The following ZNF596 variants were observed in gnomAD, a reference collection of about 807,000 sequenced individuals.
ZNF596 encodes zinc finger protein 596.
In ZNF596, 45 loss-of-function variants were observed where a neutral mutation model predicts 48.3. The observed-to-expected ratio is 0.93, with a 90% CI of 0.73 to 1.19. The LOEUF (loss-of-function observed/expected upper bound fraction) is 1.19, where lower values mean the gene tolerates loss of function less well. Among genes scored for constraint, ZNF596 ranks in the 50% most tolerant of loss-of-function variants. The pLI is 0.00. For missense variants in ZNF596, 848 were observed against 599.7 expected (o/e 1.41, Z -4.32); for synonymous variants, 270 against 202.0 (o/e 1.34, Z -2.85).
intron 1 of ZNF596, among the ~76,000 whole-genome samples, chr8:238,878 G>T (rs545386778): frequency 7.0e-6 from 1 of 142,882 alleles, no homozygotes; most frequent in South Asian, 2.3e-4. Flanking sequence ...CTTAAAGGAG[G>T]TCAATGAGCT....
intron 1 of ZNF596, chr8:234,867 C>T (rs1350211140): frequency 1.3e-5 from 2 of 152,042 alleles, no homozygotes; most frequent in Non-Finnish European, 2.9e-5. Flanking sequence ...AAGTATGGGT[C>T]GTTTAGGGAC....
intron 1 of ZNF596, 32 bp from the exon 2 acceptor site, chr8:240,792 G>GT: frequency 6.8e-7 from 1 of 1,466,442 alleles, no homozygotes; most frequent in African/African-American, 1.4e-5. Context: ...GAGTGTCATG[G>GT]TTTTTTTGTT....
At chr8:237,872 GCC>G (rs1278656074) in intron 1 of ZNF596, among the ~76,000 whole-genome samples, 1 of 152,170 alleles carries the variant, frequency 6.6e-6, no homozygotes, top group African/African-American at 2.4e-5. Context: ...AATCTCCATG[GCC>G]TGGCTGAGCT....
At chr8:232,777 A>G in intron 1 of ZNF596, 83 bp downstream of exon 1, 2 of 429,704 alleles carry the variant, frequency 4.7e-6, no homozygotes, top group South Asian at 3.5e-5. Context: ...GGGATTCGGC[A>G]GACGCCAGTC....
rs181496028 is a variant in ZNF596, at chr8:246,501, A to G, written c.*139A>G. On this transcript the variant is annotated 3_prime_UTR_variant, in exon 6 of 6. Coordinates refer to ENST00000398612, the MANE Select transcript of ZNF596 (RefSeq NM_001042416.3). ...ACCTAAATGAATTCAAGGTAGAGAG[A>G]ATCCAGATGTATTTAATGTTTATGG... 1.5e-5 allele frequency: 17 copies of G among 1,101,530 alleles called. No homozygotes were observed. In the African/African-American group the frequency reaches 1.7e-4, roughly 11 times the overall value. 68.2% of individuals were successfully genotyped at this position (1,101,530 alleles called of 1,614,324 possible).
Position 245,931 on chromosome 8 carries a change from C to G in ZNF596, c.1084C>G (p.Pro362Ala). The G allele has an allele frequency of 6.2e-7, 1 of 1,613,992 alleles. No individual in the cohort carries two copies. The highest frequency in any genetic ancestry group is 1.3e-5 in the African/African-American group (1 of 74,986). The change falls in exon 6 of 6, where the codon CCA becomes GCA. Residue 362 changes from proline (P) to alanine (A), a missense_variant. Coordinates refer to ENST00000398612, the MANE Select transcript of ZNF596 (RefSeq NM_001042416.3). Reference sequence around the variant, plus strand: ...TGAGCGAAGTCACAATGGAGAGAAACCACATGGATGTCATCTATGTGGGAA... The same window carrying G: ...TGAGCGAAGTCACAATGGAGAGAAAGCACATGGATGTCATCTATGTGGGAA... The part of the protein sequence containing the change: ...QHERSHNGEK[P>A]HGCHLCGKAF...
chr8:240,149 T>A (rs569845197), intron 1 of ZNF596, among the ~76,000 whole-genome samples: 1 of 152,348 alleles, frequency 6.6e-6, no homozygotes, highest in Non-Finnish European at 1.5e-5. Context: ...AGTTTTCATG[T>A]TCTTAGTGTC....
chr8:240,799 T>C (rs1198490045), intron 1 of ZNF596, 25 bp from the exon 2 acceptor site: 2 of 1,492,050 alleles, frequency 1.3e-6, no homozygotes, highest in Non-Finnish European at 1.9e-6. Context: ...ATGGTTTTTT[T>C]GTTTTTGTTT....
Position 246,144 on chromosome 8 carries a change from G to A in ZNF596, c.1297G>A (p.Val433Ile). 2.5e-6 allele frequency: 4 copies of A among 1,613,244 alleles called. No individual in the cohort carries two copies. The highest frequency in any genetic ancestry group is 2.2e-5 in the South Asian group (2 of 91,062). ...CGGAAAAGCCTTCAATCACTCTTCT[G>A]TCCTTAGACGACATGAGAGAACTCA... Reference protein sequence around the residue: ...LCGKAFNHSSVLRRHERTHTG... With the variant: ...LCGKAFNHSSILRRHERTHTG... The change falls in exon 6 of 6, where the codon GTC (valine) becomes ATC (isoleucine). Residue 433 changes from valine (V) to isoleucine (I), a missense_variant. By Grantham distance (29) the Val-to-Ile change is conservative. Transcript: ENST00000398612.
intron 1 of ZNF596, among the ~76,000 whole-genome samples, chr8:238,474 C>T (rs1796709360): frequency 6.6e-6 from 1 of 151,714 alleles, no homozygotes; most frequent in African/African-American, 2.4e-5. Context: ...ACTGAATGAA[C>T]AAAATAAATC....
chr8:237,053 C>G (rs1174478393), intron 1 of ZNF596: 1 of 151,930 alleles, frequency 6.6e-6, no homozygotes, highest in Non-Finnish European at 1.5e-5. Context: ...TTAAAATTGG[C>G]TAATCAGATT....
In ZNF596 at chr8:243,759, G is replaced by T. The variant is rs2117105168; in HGVS notation, c.177G>T (p.Leu59Phe). ...GCAAATCAGTTGTGCTTTCCCAATT[G>T]GAGCAAGTAGAGAAACTTTCAACAC... Reference protein sequence around the residue: ...QLCKSVVLSQLEQVEKLSTQR... With the variant: ...QLCKSVVLSQFEQVEKLSTQR... The change falls in exon 4 of 6, where the codon TTG becomes TTT. Residue 59 changes from leucine to phenylalanine, a missense_variant. Leu to Phe is a conservative substitution (Grantham distance 22). Transcript: ENST00000398612. The T allele has an allele frequency of 1.9e-6, 3 of 1,613,724 alleles. No homozygotes were observed. The highest frequency in any genetic ancestry group is 1.6e-4 in the Middle Eastern group (1 of 6,062).
In ZNF596 at chr8:245,989, A is replaced by G. The variant is rs768837485; in HGVS notation, c.1142A>G (p.His381Arg). 2 of 1,614,162 alleles carry G rather than the reference A, an allele frequency of 1.2e-6. No homozygotes were observed. The highest frequency in any genetic ancestry group is 1.7e-6 in the Non-Finnish European group (2 of 1,180,034). ...AFTESSVLKR[H>R]ERIHTGEKPY... ...ACTGAATCTTCTGTGCTTAAACGACATGAGAGAATTCACACTGGAGAGAAA... is the reference window on the plus strand; with the variant it reads ...ACTGAATCTTCTGTGCTTAAACGACGTGAGAGAATTCACACTGGAGAGAAA... Residue 381 changes from histidine to arginine, a missense_variant, in exon 6 of 6, where the codon CAT (histidine) becomes CGT (arginine). His to Arg is a conservative substitution (Grantham distance 29). Transcript: ENST00000398612.
rs1797102730 is a variant in ZNF596 at position 246,645 on chromosome 8, A to C, written c.*283A>C. The C allele has an allele frequency of 3.4e-6, 1 of 296,604 alleles. No individual in the cohort carries two copies. The highest frequency in any genetic ancestry group is 6.2e-6 in the Non-Finnish European group (1 of 161,274). The allele number at this position is 296,604 out of a possible 1,614,324, so 18.4% of individuals were successfully genotyped here. On this transcript the variant is annotated 3_prime_UTR_variant, in exon 6 of 6. Transcript: ENST00000398612. ...TTAAATAAATGGGAGAAATCACATC[A>C]CGAAAATTCTGTGCCTGTCGTCAGT...
intron 2 of ZNF596, among the ~76,000 whole-genome samples, chr8:241,889 C>G (rs533385037): frequency 6.6e-6 from 1 of 152,136 alleles, no homozygotes; most frequent in African/African-American, 2.4e-5. Flanking sequence ...AAGCAAGCAC[C>G]TTCTTCATAA....
At chr8:240,699 C>G (rs1289854644) in intron 1 of ZNF596, 125 bp from the exon 2 acceptor site, 2 of 621,454 alleles carry the variant, frequency 3.2e-6, no homozygotes, top group South Asian at 4.1e-5. Context: ...AGCCACCAAC[C>G]CAACCCACCC....
At chr8:245,022 G>T (rs1797005363) in intron 5 of ZNF596, 132 bp from the exon 6 acceptor site, 2 of 1,130,198 alleles carry the variant, frequency 1.8e-6, no homozygotes, top group African/African-American at 3.1e-5. Context: ...TTGTATAACT[G>T]ATATAGGAAC....
chr8:242,679 ATTTCTCTAT>A (rs1258063170), intron 2 of ZNF596, among the ~76,000 whole-genome samples, 199 bp from the exon 3 acceptor site: 1 of 152,182 alleles, frequency 6.6e-6, no homozygotes, highest in African/African-American at 2.4e-5. Context: ...CACATGTGAT[ATTTCTCTAT>A]GTGAAGTTTT....
chr8:237,570 G>A (rs1209019381), intron 1 of ZNF596: 3 of 151,592 alleles, frequency 2.0e-5, no homozygotes, highest in South Asian at 2.1e-4. Context: ...GTACTGAGAC[G>A]GAAAAAAAAG....
Sources: allele counts gnomAD v4.1 joint callset (sites outside exome capture counted in the v4.1 genomes callset), GRCh38; gene constraint gnomAD v4.1.1; transcripts MANE v1.5; gene names NCBI Gene and HGNC (gene_info 2026-07-23, HGNC 2026-07-21).